GP2: variants seen among roughly 807,000 people sequenced by gnomAD.
GP2 encodes pancreatic secretory granule membrane major glycoprotein GP2.
In GP2, 58 loss-of-function variants were observed where a neutral mutation model predicts 60.8. That is an observed-to-expected ratio of 0.95 (90% CI 0.77 to 1.19). The LOEUF (loss-of-function observed/expected upper bound fraction) is 1.19. Ranked by LOEUF, GP2 falls within the 50% of genes most tolerant of loss-of-function variation. GP2 has a pLI of 0.00. For synonymous variants in GP2, 280 were observed against 253.4 expected (o/e 1.10, Z -1.00); for missense variants, 647 against 667.4 (o/e 0.97, Z 0.34).
chr16:20,323,847 G>C lies in GP2; in HGVS notation c.504C>G (p.Gly168=), dbSNP rs1555483160. The C allele has an allele frequency of 6.2e-7, 1 of 1,613,394 alleles. No individual in the cohort carries two copies. Among genetic ancestry groups the C allele is most frequent in the Non-Finnish European group, 8.5e-7 (1 of 1,179,606 alleles). ...PGGYHVYRLE[G]TPWCNLRYCT... Reference sequence around the variant, plus strand: ...AGTATCTCAGATTACACCAGGGAGTGCCTTCCAACCGGTACACATGGTACC... The same window carrying C: ...AGTATCTCAGATTACACCAGGGAGTCCCTTCCAACCGGTACACATGGTACC... The change falls in exon 3 of 11, where the codon GGC becomes GGG. Residue 168 remains glycine (G), a synonymous_variant. Coordinates refer to ENST00000302555, the MANE Select transcript of GP2 (RefSeq NM_001502.4).
rs1469298158 is a variant in GP2 at position 20,311,196 on chromosome 16, T to G, written c.*27A>C. On this transcript the variant is annotated 3_prime_UTR_variant, in exon 11 of 11. Coordinates refer to ENST00000302555, the MANE Select transcript of GP2 (RefSeq NM_001502.4). ...CATTGCCAGAGGGAAGAACACAAAC[T>G]TCAAGGCCAGATGCTCAGCGGAGCT... 1 of 1,539,622 alleles carries G rather than the reference T, an allele frequency of 6.5e-7. No homozygotes were observed. Among genetic ancestry groups the G allele is most frequent in the South Asian group, 1.1e-5 (1 of 89,602 alleles).
chr16:20,320,395 C>T lies in GP2; in HGVS notation c.725G>A (p.Gly242Asp), dbSNP rs771258064. 8.7e-6 allele frequency: 14 copies of T among 1,613,936 alleles called. No homozygotes were observed. Among genetic ancestry groups the T allele is most frequent in the Middle Eastern group, 1.6e-4 (1 of 6,062 alleles). Residue 242 changes from glycine (G) to aspartate (D), a missense_variant, in exon 5 of 11, where the codon GGC becomes GAC. Physicochemically the swap from Gly to Asp is moderately conservative, Grantham distance 94. Transcript: ENST00000302555. ...KVKVDKCLLG[G>D]LGLGEEVIAY... is the part of the protein sequence containing the mutation. ...AATGACCTCCTCCCCCAAACCCAGG[C>T]CTCCCAGCAAACATTTGTCCACCTT...
chr16:20,321,067 T>C (rs1056852607), intron 4 of GP2, among the ~76,000 whole-genome samples: 3 of 151,818 alleles, frequency 2.0e-5, no homozygotes, highest in African/African-American at 7.3e-5. Context: ...TTTTTTTTTT[T>C]TTAGACAGAG....
In GP2 at chr16:20,323,874, G is replaced by T; in HGVS notation, c.477C>A (p.Gly159=). 1 of 1,613,952 alleles carries T rather than the reference G, an allele frequency of 6.2e-7. No individual in the cohort carries two copies. Among genetic ancestry groups the T allele is most frequent in the Non-Finnish European group, 8.5e-7 (1 of 1,179,868 alleles). The stretch of plus-strand genomic sequence containing the variant: ...CTTCCAACCGGTACACATGGTACCC[G>T]CCTGGGCAGGCCTTCACCAGCACCT... ...KTEVLVKACP[G]GYHVYRLEGT... The change falls in exon 3 of 11, where the codon GGC becomes GGA. Residue 159 remains glycine, a synonymous_variant. Transcript: ENST00000302555.
chr16:20,313,986 C>T (rs944292193), intron 10 of GP2, among the ~76,000 whole-genome samples: 1 of 152,088 alleles, frequency 6.6e-6, no homozygotes, highest in African/African-American at 2.4e-5. Context: ...TGCCTCTAAG[C>T]TTCATTTATG....
At position 20,315,997 on chromosome 16, in the gene GP2, T is replaced by C. The variant is rs1384165737; in HGVS notation, c.1460A>G (p.Asp487Gly). 1 of 1,613,452 alleles carries C rather than the reference T, an allele frequency of 6.2e-7. No individual in the cohort carries two copies. The highest frequency in any genetic ancestry group is 1.1e-5 in the South Asian group (1 of 91,052). ...SQVRSEVPAIDLARVLDLGPI... is the reference protein window; with the variant it reads ...SQVRSEVPAIGLARVLDLGPI... Reference sequence around the variant, plus strand: ...CCCCAAATCTAGAACCCGGGCTAGGTCGATGGCCGGTACTTCACTGCGGAC... The same window carrying C: ...CCCCAAATCTAGAACCCGGGCTAGGCCGATGGCCGGTACTTCACTGCGGAC... Residue 487 changes from aspartate to glycine, a missense_variant, in exon 9 of 11, where the codon GAC becomes GGC. Coordinates refer to ENST00000302555, the MANE Select transcript of GP2 (RefSeq NM_001502.4).
rs1479289551 is a variant in GP2 at position 20,315,985 on chromosome 16, A to G, written c.1472T>C (p.Val491Ala). The G allele has an allele frequency of 1.2e-6, 2 of 1,613,074 alleles. No individual in the cohort carries two copies. Among genetic ancestry groups the G allele is most frequent in the Admixed American group, 3.3e-5 (2 of 59,988 alleles). Residue 491 changes from valine to alanine, a missense_variant, in exon 9 of 11, where the codon GTT becomes GCT. Transcript: ENST00000302555. ...SEVPAIDLAR[V>A]LDLGPITRRG... ...CCGAGTGATGGGCCCCAAATCTAGA[A>G]CCCGGGCTAGGTCGATGGCCGGTAC... is the stretch of plus-strand genomic sequence containing the variant.
intron 4 of GP2, among the ~76,000 whole-genome samples, chr16:20,322,647 A>G (rs1172329859): frequency 1.3e-5 from 2 of 152,132 alleles, no homozygotes; most frequent in African/African-American, 4.8e-5. Flanking sequence ...CCATTTCCTG[A>G]GGCCACGGCC....
intron 7 of GP2, 82 bp from the exon 8 acceptor site, chr16:20,317,457 C>A: frequency 9.5e-7 from 1 of 1,050,824 alleles, no homozygotes; most frequent in Non-Finnish European, 1.4e-6. Context: ...TTCCCTCCAT[C>A]ATGATAACGT....
chr16:20,319,871 A>G, intron 5 of GP2, 103 bp from the exon 6 acceptor site: 2 of 893,946 alleles, frequency 2.2e-6, no homozygotes, highest in Non-Finnish European at 3.6e-6. Flanking sequence ...TTAACCATGC[A>G]GCCACCCTAC....
intron 10 of GP2, 67 bp from the exon 11 acceptor site, chr16:20,311,348 C>T (rs971574008): frequency 4.3e-5 from 41 of 952,710 alleles, no homozygotes; most frequent in Non-Finnish European, 6.4e-5. Flanking sequence ...ATAAGTTGGC[C>T]TCTTTGTCTT....
intron 8 of GP2, among the ~76,000 whole-genome samples, chr16:20,316,336 G>C (rs1000896870): frequency 6.6e-6 from 1 of 152,202 alleles, no homozygotes; most frequent in Non-Finnish European, 1.5e-5. Context: ...AGATGAAAAT[G>C]AGATGTGTCT....
chr16:20,311,446 TC>T (rs1963994138), intron 10 of GP2, among the ~76,000 whole-genome samples, 165 bp from the exon 11 acceptor site: 1 of 152,220 alleles, frequency 6.6e-6, no homozygotes, highest in African/African-American at 2.4e-5. Flanking sequence ...GGCAATCTAA[TC>T]ACCAACCATT....
chr16:20,317,603 AT>A (rs1964225742), intron 7 of GP2, among the ~76,000 whole-genome samples: 1 of 152,186 alleles, frequency 6.6e-6, no homozygotes, highest in South Asian at 2.1e-4. Flanking sequence ...TAGCTAAGTG[AT>A]TATGGGCAGG....
chr16:20,326,321 G>C lies in GP2; in HGVS notation c.94+17C>G. 6.2e-7 allele frequency: 1 copy of C among 1,612,226 alleles called. No individual in the cohort carries two copies. Among genetic ancestry groups the C allele is most frequent in the Non-Finnish European group, 8.5e-7 (1 of 1,178,356 alleles). On this transcript the variant is annotated intron_variant, in intron 2 of 10. Transcript: ENST00000302555. The stretch of plus-strand genomic sequence containing the variant: ...TCTTCCTTGACATCTGAGATGCCAG[G>C]TGAGCAGAATACTTACCTCGCTGCA...
Position 20,324,048 on chromosome 16 carries a change from T to C in GP2, c.303A>G (p.Val101=). ...GWYRFVGEGG[V]RMSETCVQVH... ...CCTGGACACAGGTCTCCGACATCCTTACTCCTCCTTCCCCTACAAAGCGGT... is the reference window on the plus strand; with the variant it reads ...CCTGGACACAGGTCTCCGACATCCTCACTCCTCCTTCCCCTACAAAGCGGT... Residue 101 remains valine, a synonymous_variant, in exon 3 of 11, where the codon GTA becomes GTG. Transcript: ENST00000302555. The C allele has an allele frequency of 6.2e-7, 1 of 1,613,980 alleles. No individual in the cohort carries two copies. Among genetic ancestry groups the C allele is most frequent in the Non-Finnish European group, 8.5e-7 (1 of 1,179,810 alleles).
At chr16:20,323,608 C>A in intron 3 of GP2, 1 of 585,682 alleles carries the variant, frequency 1.7e-6, no homozygotes, top group Non-Finnish European at 3.1e-6. Context: ...CATTTATAAA[C>A]TGGGAAATTT....
At chr16:20,315,098 T>G (rs1239414741) in intron 9 of GP2, among the ~76,000 whole-genome samples, 2 of 152,142 alleles carry the variant, frequency 1.3e-5, no homozygotes. Flanking sequence ...AGGCTTCAAG[T>G]TGAGAGCTCA....
chr16:20,312,842 G>C (rs750441834), intron 10 of GP2, among the ~76,000 whole-genome samples: 2 of 151,950 alleles, frequency 1.3e-5, no homozygotes, highest in African/African-American at 4.8e-5. Flanking sequence ...TAGAGTCAGG[G>C]TTTCTCCATG....
Sources: gnomAD v4.1 joint callset for allele counts (sites outside exome capture counted in the v4.1 genomes callset) on GRCh38, gnomAD v4.1.1 for gene constraint, MANE v1.5 for transcripts, NCBI Gene and HGNC (gene_info 2026-07-23, HGNC 2026-07-21) for gene names.